The following IPCEF1 variants were observed in gnomAD, a reference collection of about 807,000 sequenced individuals.
IPCEF1 encodes interactor protein for cytohesin exchange factors 1.
Under a neutral mutation model 50.9 loss-of-function variants are expected in IPCEF1, and 31 were observed. The ratio of observed to expected loss-of-function variants is 0.61; its 90% confidence interval spans 0.46 to 0.82. IPCEF1 has a LOEUF of 0.82. Among genes scored for constraint, IPCEF1 ranks in the 40% least tolerant of loss-of-function variants. IPCEF1 has a pLI of 0.00. For synonymous variants in IPCEF1, 181 were observed against 192.0 expected (o/e 0.94, Z 0.47); for missense variants, 458 against 514.0 (o/e 0.89, Z 1.05).
At chr6:154,352,604 G>A (rs1186818955) in intron 1 of IPCEF1, among the ~76,000 whole-genome samples, 1 of 152,126 alleles carries the variant, frequency 6.6e-6, no homozygotes, top group Non-Finnish European at 1.5e-5. Context: ...TTTGTCTGCC[G>A]ACTATCTCTC....
rs565962353 is a variant in IPCEF1, at chr6:154,326,117, T to C, written c.-62+30555A>G. ...GGTGTGTGCCTGTGGTCCCAGCTAC[T>C]TGGGAGGCTGAGGTGGGAGGCTTGA... On this transcript the variant is annotated intron_variant, in intron 1 of 11. Coordinates refer to ENST00000367220, the MANE Select transcript of IPCEF1 (RefSeq NM_001130700.2). Among the ~76,000 whole-genome samples the C allele has an allele frequency of 3.3e-5, 5 of 151,762 alleles. No homozygotes were observed. In the South Asian group the frequency reaches 1.0e-3, roughly 32 times the overall value.
At chr6:154,310,029 G>T (rs1466790291) in intron 1 of IPCEF1, among the ~76,000 whole-genome samples, 1 of 152,136 alleles carries the variant, frequency 6.6e-6, no homozygotes, top group African/African-American at 2.4e-5. Context: ...CTCCCAAACT[G>T]CTAGGATCAC....
At chr6:154,187,243 A>C (rs1459680275) in intron 10 of IPCEF1, among the ~76,000 whole-genome samples, 1 of 151,882 alleles carries the variant, frequency 6.6e-6, no homozygotes, top group Admixed American at 6.6e-5. Flanking sequence ...ACCCCACCCC[A>C]TACCCCACCT....
intron 3 of IPCEF1, among the ~76,000 whole-genome samples, chr6:154,265,178 T>C (rs906490468): frequency 3.3e-5 from 5 of 152,240 alleles, no homozygotes; most frequent in African/African-American, 1.2e-4. Flanking sequence ...AGTTTCCTTG[T>C]CTAATAGAGA....
At chr6:154,251,918 G>A (rs1242902889) in intron 3 of IPCEF1, among the ~76,000 whole-genome samples, 1 of 152,166 alleles carries the variant, frequency 6.6e-6, no homozygotes, top group Non-Finnish European at 1.5e-5. Flanking sequence ...AAATCGTGGA[G>A]TTTCTAGCTG....
chr6:154,273,724 CTTTTTTTTTTTTTTTT>C lies in IPCEF1; in HGVS notation c.-17-7776_-17-7761del, dbSNP rs71021036. On this transcript the variant is annotated intron_variant, in intron 2 of 11. Coordinates refer to ENST00000367220, the MANE Select transcript of IPCEF1 (RefSeq NM_001130700.2). ...TCTTTTTTTCTTTCTTTCTTTCTTT[CTTTTTTTTTTTTTTTT>C]TTTTTTTTTTTTTTTTTTTTTTTTT... Among the ~76,000 whole-genome samples the C allele has an allele frequency of 3.8e-3, 240 of 63,314 alleles. 8 individuals carry two copies. Among genetic ancestry groups the C allele is most frequent in the African/African-American group, 9.9e-3 (177 of 17,836 alleles). The allele number at this position is 63,314 out of a possible 152,430, so 41.5% of individuals were successfully genotyped here. A position where few individuals can be genotyped will look rare whatever the true frequency, so the allele number is the denominator to read the frequency against.
At chr6:154,244,033 G>C (rs149854407) in intron 5 of IPCEF1, among the ~76,000 whole-genome samples, 1 of 151,726 alleles carries the variant, frequency 6.6e-6, no homozygotes, top group Non-Finnish European at 1.5e-5. Flanking sequence ...GTGTAGGGAC[G>C]GGGCTGGTTG....
intron 9 of IPCEF1, among the ~76,000 whole-genome samples, chr6:154,205,721 A>G (rs1049685726): frequency 1.3e-5 from 2 of 152,238 alleles, no homozygotes; most frequent in Non-Finnish European, 2.9e-5. Context: ...GAAATATTTC[A>G]GAGGACAATG....
At chr6:154,305,421 G>T (rs1364495412) in intron 1 of IPCEF1, among the ~76,000 whole-genome samples, 3 of 152,104 alleles carry the variant, frequency 2.0e-5, no homozygotes, top group African/African-American at 7.2e-5. Flanking sequence ...CTGTATCTCT[G>T]TCTTCTGCCT....
Position 154,254,631 on chromosome 6 carries a change from A to G in IPCEF1, c.37-7143T>C, listed in dbSNP as rs929576753. ...TATGTAAACCTAAATCAAAACTGCT[A>G]ATTTTGTTTTCCAAATCTTTTATAT... is the stretch of plus-strand genomic sequence containing the variant. On this transcript the variant is annotated intron_variant, in intron 3 of 11. Transcript: ENST00000367220. Among the ~76,000 whole-genome samples the G allele has an allele frequency of 2.6e-5, 4 of 152,150 alleles. 1 individual carries two copies. In the South Asian group the frequency reaches 8.3e-4, roughly 32 times the overall value.
intron 3 of IPCEF1, among the ~76,000 whole-genome samples, chr6:154,259,003 G>A (rs1219039012): frequency 6.6e-6 from 1 of 152,224 alleles, no homozygotes; most frequent in African/African-American, 2.4e-5. Flanking sequence ...GTGCCTGGCA[G>A]ATAGTGGAAC....
chr6:154,214,145 A>T (rs1778192904), intron 8 of IPCEF1, 73 bp downstream of exon 8: 1 of 974,900 alleles, frequency 1.0e-6, no homozygotes, highest in African/African-American at 1.6e-5. Flanking sequence ...AGAACTTGAC[A>T]TTGTTTTTTC....
At chr6:154,337,892 T>C (rs1216611790) in intron 1 of IPCEF1, among the ~76,000 whole-genome samples, 1 of 152,144 alleles carries the variant, frequency 6.6e-6, no homozygotes, top group Non-Finnish European at 1.5e-5. Context: ...GGGGCACTTG[T>C]TTAAAGTCAC....
chr6:154,278,755 C>A (rs1250266470), intron 2 of IPCEF1, among the ~76,000 whole-genome samples: 1 of 151,432 alleles, frequency 6.6e-6, no homozygotes, highest in Admixed American at 6.6e-5. Context: ...GGTAAAAAAT[C>A]AAGATTGTCA....
intron 1 of IPCEF1, among the ~76,000 whole-genome samples, chr6:154,311,552 A>C (rs1398449130): frequency 6.6e-6 from 1 of 152,214 alleles, no homozygotes; most frequent in African/African-American, 2.4e-5. Flanking sequence ...TTTCCTAAAT[A>C]TGTTTTTTAA....
intron 10 of IPCEF1, among the ~76,000 whole-genome samples, chr6:154,186,339 T>C (rs1285813232): frequency 6.6e-6 from 1 of 152,238 alleles, no homozygotes. Context: ...CTTTGACTTC[T>C]GTCTTTCTCT....
At position 154,247,452 on chromosome 6, in the gene IPCEF1, G is replaced by C; in HGVS notation, c.73C>G (p.Gln25Glu). Residue 25 changes from glutamine (Q) to glutamate (E), a missense_variant, in exon 4 of 12, where the codon CAA becomes GAA. Transcript: ENST00000367220. The stretch of plus-strand genomic sequence containing the variant: ...GAAACAAAAGAGATCTAATTACCTT[G>C]AGTTTTCCTCCTGGGCTTCTGACGC... ...PLRQKPRRKT[Q>E]GFLTMSRRRI... 2.5e-6 allele frequency: 4 copies of C among 1,612,190 alleles called. No individual in the cohort carries two copies. Among genetic ancestry groups the C allele is most frequent in the Non-Finnish European group, 2.5e-6 (3 of 1,178,518 alleles).
intron 5 of IPCEF1, among the ~76,000 whole-genome samples, chr6:154,242,450 T>G (rs1780672294): frequency 6.6e-6 from 1 of 152,234 alleles, no homozygotes; most frequent in South Asian, 2.1e-4. Context: ...AATTAAGAAC[T>G]ATTAATTGAG....
At chr6:154,350,682 G>A (rs959032857) in intron 1 of IPCEF1, among the ~76,000 whole-genome samples, 3 of 152,056 alleles carry the variant, frequency 2.0e-5, no homozygotes, top group African/African-American at 4.8e-5. Flanking sequence ...AAGTATATAC[G>A]CTTACTTTCA....
Sources: allele counts gnomAD v4.1 joint callset (sites outside exome capture counted in the v4.1 genomes callset), GRCh38; gene constraint gnomAD v4.1.1; transcripts MANE v1.5; gene names NCBI Gene and HGNC (gene_info 2026-07-23, HGNC 2026-07-21).